GNG4: variants seen among roughly 807,000 people sequenced by gnomAD.
GNG4 encodes G protein subunit gamma 4.
In GNG4, 4 loss-of-function variants were observed where a neutral mutation model predicts 5.8. The ratio of observed to expected loss-of-function variants is 0.69; its 90% CI spans 0.34 to 1.57. The LOEUF (loss-of-function observed/expected upper bound fraction) is 1.57, where lower values mean the gene tolerates loss of function less well. GNG4 is among the 40% of genes most tolerant of loss of function. GNG4 has a pLI of 0.06. For missense variants in GNG4, 96 were observed against 95.1 expected (o/e 1.01, Z -0.04); for synonymous variants, 29 against 32.9 (o/e 0.88, Z 0.41).
chr1:235,552,871 C>T (rs1391159554), intron 3 of GNG4, among the ~76,000 whole-genome samples: 2 of 152,104 alleles, frequency 1.3e-5, no homozygotes, highest in Admixed American at 6.5e-5. Flanking sequence ...AAGTGATGCT[C>T]CTGCCTCAGT....
chr1:235,567,107 A>C (rs1250276894), intron 3 of GNG4, among the ~76,000 whole-genome samples: 2 of 151,926 alleles, frequency 1.3e-5, no homozygotes, highest in South Asian at 2.1e-4. Context: ...TTAAAAAAAA[A>C]AAATTTAGTA....
At chr1:235,646,718 T>C (rs1239930415) in intron 1 of GNG4, among the ~76,000 whole-genome samples, 1 of 152,216 alleles carries the variant, frequency 6.6e-6, no homozygotes, top group Admixed American at 6.5e-5. Context: ...ATGGCACCTG[T>C]CACTCTGTCT....
rs114688112 is a variant in GNG4, at chr1:235,639,522, G to A, written c.-123+10140C>T. Among the ~76,000 whole-genome samples the A allele has an allele frequency of 5.3e-3, 802 of 150,702 alleles. 5 individuals are homozygous for A. The highest frequency in any genetic ancestry group is 0.019 in the African/African-American group (770 of 41,428). On this transcript the variant is annotated intron_variant, in intron 1 of 3. Coordinates refer to ENST00000391854, the MANE Select transcript of GNG4 (RefSeq NM_001098722.2). ...CTTGGTGTCCTTCTGTGTTGAGGTG[G>A]GAGCTTTTCTTAATTCCGTGTTGTA...
intron 2 of GNG4, among the ~76,000 whole-genome samples, chr1:235,585,504 T>C (rs1044765171): frequency 6.6e-6 from 1 of 152,238 alleles, no homozygotes; most frequent in African/African-American, 2.4e-5. Flanking sequence ...TTCTCCTTCT[T>C]TCTTACACAA....
At chr1:235,606,865 G>C (rs1271134518) in intron 1 of GNG4, among the ~76,000 whole-genome samples, 1 of 151,908 alleles carries the variant, frequency 6.6e-6, no homozygotes, top group African/African-American at 2.4e-5. Context: ...GGGGCGAGCA[G>C]AGGAAGGAAG....
chr1:235,602,494 A>G (rs1448785335), intron 1 of GNG4, among the ~76,000 whole-genome samples: 1 of 152,124 alleles, frequency 6.6e-6, no homozygotes, highest in Non-Finnish European at 1.5e-5. Flanking sequence ...ACATTTCCAC[A>G]CTCTTTAAGT....
intron 3 of GNG4, among the ~76,000 whole-genome samples, chr1:235,577,575 C>T (rs748547952): frequency 2.0e-4 from 31 of 152,142 alleles, no homozygotes; most frequent in Middle Eastern, 3.4e-3. Context: ...CAAGTAGCTG[C>T]GGCTACAGGC....
chr1:235,596,510 C>T (rs1688129303), intron 1 of GNG4, among the ~76,000 whole-genome samples: 1 of 151,808 alleles, frequency 6.6e-6, no homozygotes, highest in Non-Finnish European at 1.5e-5. Context: ...GCAACAAGAG[C>T]AAAAAACAAA....
intron 3 of GNG4, among the ~76,000 whole-genome samples, chr1:235,581,389 C>T (rs892877525): frequency 4.0e-5 from 6 of 151,740 alleles, no homozygotes; most frequent in Non-Finnish European, 7.4e-5. Context: ...ATTAGCCGGG[C>T]GTGGTGGTGG....
chr1:235,607,025 G>C (rs1010592311), intron 1 of GNG4, among the ~76,000 whole-genome samples: 1 of 135,624 alleles, frequency 7.4e-6, no homozygotes, highest in Non-Finnish European at 1.5e-5. Flanking sequence ...TGCAACCTCC[G>C]CCTTCTGGGT....
intron 3 of GNG4, among the ~76,000 whole-genome samples, chr1:235,577,526 C>T (rs1235577974): frequency 2.0e-5 from 3 of 152,226 alleles, no homozygotes; most frequent in South Asian, 2.1e-4. Context: ...CTGCAACCTC[C>T]GCCTCCTGGG....
chr1:235,573,495 C>T (rs1016850520), intron 3 of GNG4, among the ~76,000 whole-genome samples: 7 of 151,518 alleles, frequency 4.6e-5, no homozygotes, highest in Non-Finnish European at 1.5e-5. Flanking sequence ...ATAGGACTCA[C>T]GGCCCGGTGC....
chr1:235,648,148 G>A lies in GNG4; in HGVS notation c.-123+1514C>T, dbSNP rs986380992. Among the ~76,000 whole-genome samples the A allele has an allele frequency of 6.6e-6, 1 of 152,052 alleles. No homozygotes were observed. The highest frequency in any genetic ancestry group is 1.5e-5 in the Non-Finnish European group (1 of 68,022). ...CCTACATCCTCCACTGGCTTCCTTG[G>A]GCGAATTTTAAGGCCTATGAGCACT... On this transcript the variant is annotated intron_variant, in intron 1 of 3. Transcript: ENST00000391854. The surrounding 1 kb of genome is among the most constrained non-coding windows in gnomAD (Gnocchi z 5.0).
At position 235,551,575 on chromosome 1, in the gene GNG4, G is replaced by A. The variant is rs986666818; in HGVS notation, c.*534C>T. Reference sequence around the variant, plus strand: ...CAACAACAACAAAAAAAAAACAAAAGAAAACCATTCCAATCCTGTGGGTTG... The same window carrying A: ...CAACAACAACAAAAAAAAAACAAAAAAAAACCATTCCAATCCTGTGGGTTG... On this transcript the variant is annotated 3_prime_UTR_variant, in exon 4 of 4. Coordinates refer to ENST00000391854, the MANE Select transcript of GNG4 (RefSeq NM_001098722.2). 4 of 152,284 alleles carry A rather than the reference G, an allele frequency of 2.6e-5. No homozygotes were observed. Among genetic ancestry groups the A allele is most frequent in the African/African-American group, 7.3e-5 (3 of 41,296 alleles). 9.4% of individuals were successfully genotyped at this position (152,284 alleles called of 1,614,324 possible).
At chr1:235,563,280 G>A (rs926898710) in intron 3 of GNG4, among the ~76,000 whole-genome samples, 16 of 151,738 alleles carry the variant, frequency 1.1e-4, no homozygotes, top group Admixed American at 9.8e-4. Context: ...AAAATTAGCC[G>A]GGCGTAGCGG....
Position 235,649,397 on chromosome 1 carries a change from C to T in GNG4, c.-123+265G>A, listed in dbSNP as rs1236642078. 1.3e-5 allele frequency among the ~76,000 whole-genome samples: 2 copies of T among 152,100 alleles called. No individual in the cohort carries two copies. Among genetic ancestry groups the T allele is most frequent in the African/African-American group, 4.8e-5 (2 of 41,436 alleles). On this transcript the variant is annotated intron_variant, in intron 1 of 3. Transcript: ENST00000391854. The surrounding 1 kb of genome is among the most constrained non-coding windows in gnomAD (Gnocchi z 5.7). ...GACCGGGCGCCCCCAGCCCCGGAAGCCCCTGGACGCGCTCCGAGGGGGCTG... is the reference window on the plus strand; with the variant it reads ...GACCGGGCGCCCCCAGCCCCGGAAGTCCCTGGACGCGCTCCGAGGGGGCTG...
chr1:235,629,585 CTTT>C lies in GNG4; in HGVS notation c.-123+20074_-123+20076del, dbSNP rs1441459975. ...CTACCAGCCTCTCAAATTTTTCTTT[CTTT>C]TTTCTTTCTTTCTTTTTTTTTTTTT... On this transcript the variant is annotated intron_variant, in intron 1 of 3. Coordinates refer to ENST00000391854, the MANE Select transcript of GNG4 (RefSeq NM_001098722.2). 2.4e-3 allele frequency among the ~76,000 whole-genome samples: 337 copies of C among 143,182 alleles called. 2 individuals carry two copies. Among genetic ancestry groups the C allele is most frequent in the Middle Eastern group, 0.014 (4 of 286 alleles). The allele number at this position is 143,182 out of a possible 152,430, so 93.9% of individuals were successfully genotyped here.
intron 3 of GNG4, 143 bp from the exon 4 acceptor site, chr1:235,552,380 TGGAG>T (rs1686778680): frequency 2.8e-6 from 2 of 723,202 alleles, no homozygotes; most frequent in African/African-American, 1.8e-5. Flanking sequence ...ATGCCCAGGC[TGGAG>T]GGAGGGTTTG....
intron 3 of GNG4, among the ~76,000 whole-genome samples, chr1:235,562,514 GT>G (rs1024203412): frequency 2.0e-5 from 3 of 151,854 alleles, no homozygotes; most frequent in African/African-American, 7.3e-5. Flanking sequence ...GCTGGGCATG[GT>G]GGGCCTGTAA....
Sources: gnomAD v4.1 joint callset for allele counts (sites outside exome capture counted in the v4.1 genomes callset) on GRCh38, gnomAD v4.1.1 for gene constraint, Gnocchi (gnomAD v3.1) non-coding constraint, MANE v1.5 for transcripts, NCBI Gene and HGNC (gene_info 2026-07-23, HGNC 2026-07-21) for gene names.